Variants in RBM38 observed in about 807,000 individuals in gnomAD.
RBM38 encodes RNA-binding protein 38.
A neutral mutation model predicts 23.5 loss-of-function variants in RBM38; 11 were observed. That is an observed-to-expected ratio of 0.47 (90% CI 0.29 to 0.77). The LOEUF (loss-of-function observed/expected upper bound fraction) is 0.77. RBM38 is among the 30% of genes least tolerant of loss of function. The pLI is 0.08. For missense variants in RBM38, 330 were observed against 351.9 expected, an observed-to-expected ratio of 0.94 and a Z score of 0.50; for synonymous variants, 165 against 166.1, an observed-to-expected ratio of 0.99 and a Z score of 0.05.
At chr20:57,394,037 C>T (rs1462962366) in intron 3 of RBM38, among the ~76,000 whole-genome samples, 2 of 152,116 alleles carry the variant, frequency 1.3e-5, no homozygotes, top group African/African-American at 4.8e-5. Context: ...TGCGGCCTGC[C>T]TCCCCACCCC....
chr20:57,392,696 G>T lies in RBM38; in HGVS notation c.280G>T (p.Asp94Tyr), dbSNP rs907985208. The T allele has an allele frequency of 1.3e-5, 21 of 1,612,766 alleles. No individual in the cohort carries two copies. Among genetic ancestry groups the T allele is most frequent in the Non-Finnish European group, 1.8e-5 (21 of 1,179,860 alleles). ...GGCGGCAGCTGAGAGGGCTTGCAAAGACCCGAACCCCATCATCGACGGCCG... is the reference window on the plus strand; with the variant it reads ...GGCGGCAGCTGAGAGGGCTTGCAAATACCCGAACCCCATCATCGACGGCCG... ...DRAAAERACK[D>Y]PNPIIDGRKA... is the part of the protein sequence containing the mutation. The change falls in exon 2 of 4, where the codon GAC becomes TAC. Residue 94 changes from aspartate (D) to tyrosine (Y), a missense_variant. Asp to Tyr is a radical substitution (Grantham distance 160, BLOSUM62 -3). This residue lies in a region of RBM38 where 227 missense variants were observed against 216.4 expected (regional missense o/e 1.05). Coordinates refer to ENST00000356208, the MANE Select transcript of RBM38 (RefSeq NM_017495.6).
intron 3 of RBM38, among the ~76,000 whole-genome samples, chr20:57,397,296 A>C (rs1429251910): frequency 6.6e-6 from 1 of 152,222 alleles, no homozygotes; most frequent in African/African-American, 2.4e-5. Flanking sequence ...AGAGCAACTG[A>C]GAGACTTGCT....
rs2067414559 is a variant in RBM38, at chr20:57,408,711, C to CA, written c.*866dup. ...CTCTCGGTGGGATGGGCACCACAGA[C>CA]AGGAGGCCCCTCAGGCCCGTGCGGG... On this transcript the variant is annotated 3_prime_UTR_variant, in exon 4 of 4. Coordinates refer to ENST00000356208, the MANE Select transcript of RBM38 (RefSeq NM_017495.6). The CA allele has an allele frequency of 6.6e-6, 1 of 151,626 alleles. No homozygotes were observed. The highest frequency in any genetic ancestry group is 1.5e-5 in the Non-Finnish European group (1 of 67,886). 9.4% of individuals were successfully genotyped at this position (151,626 alleles called of 1,614,324 possible).
Position 57,407,789 on chromosome 20 carries a change from G to A in RBM38, c.663G>A (p.Ala221=), listed in dbSNP as rs543954479. Residue 221 remains alanine, a synonymous_variant, in exon 4 of 4, where the codon GCG becomes GCA. Transcript: ENST00000356208. The surrounding 1 kb of genome is among the most constrained non-coding windows in gnomAD (Gnocchi z 4.0). ...VPQALSAAAP[A]GTTFVQYQAP... ...AGGCCCTCTCAGCCGCAGCACCCGC[G>A]GGCACCACTTTCGTGCAGTACCAGG... 2.2e-5 allele frequency: 35 copies of A among 1,603,138 alleles called. No individual in the cohort carries two copies. Among genetic ancestry groups the A allele is most frequent in the Admixed American group, 6.8e-5 (4 of 58,820 alleles).
rs1600742986 is a variant in RBM38 at position 57,392,984 on chromosome 20, C to T, written c.361+207C>T. On this transcript the variant is annotated intron_variant, in intron 2 of 3. Coordinates refer to ENST00000356208, the MANE Select transcript of RBM38 (RefSeq NM_017495.6). ...GTGGCCCAAAGAAGGGGGCGGGGGGCAGGGAGGGTACTGCACCCCAGTTGC... is the reference window on the plus strand; with the variant it reads ...GTGGCCCAAAGAAGGGGGCGGGGGGTAGGGAGGGTACTGCACCCCAGTTGC... The T allele has an allele frequency of 1.7e-5, 13 of 750,622 alleles. No homozygotes were observed. The South Asian group carries it at 2.4e-4, about 14-fold the overall frequency. 46.5% of individuals were successfully genotyped at this position (750,622 alleles called of 1,614,324 possible). A position where few individuals can be genotyped will look rare whatever the true frequency, so the allele number is the denominator to read the frequency against.
intron 3 of RBM38, among the ~76,000 whole-genome samples, chr20:57,394,535 C>T (rs1228686658): frequency 2.6e-5 from 4 of 152,120 alleles, no homozygotes; most frequent in Non-Finnish European, 5.9e-5. Flanking sequence ...CTAGCCTGTG[C>T]GAGTGGCCGG....
At chr20:57,402,170 C>T (rs1337561016) in intron 3 of RBM38, among the ~76,000 whole-genome samples, 2 of 152,190 alleles carry the variant, frequency 1.3e-5, no homozygotes, top group Admixed American at 6.5e-5. Context: ...TGGTCTCAAT[C>T]TCCTGACCTC....
intron 3 of RBM38, among the ~76,000 whole-genome samples, chr20:57,397,863 C>T (rs182540305): frequency 3.3e-5 from 5 of 152,308 alleles, no homozygotes; most frequent in East Asian, 1.9e-4. Context: ...CATGGTGATG[C>T]GTGCAGTTAA....
intron 2 of RBM38, 83 bp downstream of exon 2, chr20:57,392,860 C>A: frequency 1.3e-6 from 2 of 1,539,966 alleles, no homozygotes; most frequent in South Asian, 1.2e-5. Context: ...GAGGCCCCCC[C>A]TCCTCGCCCC....
rs1369414636 is a variant in RBM38 at position 57,398,773 on chromosome 20, G to T, written c.416+5440G>T. 2.0e-5 allele frequency among the ~76,000 whole-genome samples: 3 copies of T among 152,372 alleles called. No individual in the cohort carries two copies. In the South Asian group the frequency reaches 6.2e-4, roughly 32 times the overall value. Reference sequence around the variant, plus strand: ...TCTTCTGGAAGCCTTGGGCCAAGGGGCACAGCTTTGTCTCAGGGTAGAAGC... The same window carrying T: ...TCTTCTGGAAGCCTTGGGCCAAGGGTCACAGCTTTGTCTCAGGGTAGAAGC... On this transcript the variant is annotated intron_variant, in intron 3 of 3. Coordinates refer to ENST00000356208, the MANE Select transcript of RBM38 (RefSeq NM_017495.6).
rs554894372 is a variant in RBM38, at chr20:57,396,648, C to T, written c.416+3315C>T. On this transcript the variant is annotated intron_variant, in intron 3 of 3. Coordinates refer to ENST00000356208, the MANE Select transcript of RBM38 (RefSeq NM_017495.6). ...AGTGCCTCATATGTACATTATAGAA[C>T]GTTTGAAGGGGGTGGAATATCCCTG... Among the ~76,000 whole-genome samples the T allele has an allele frequency of 5.5e-4, 84 of 152,298 alleles. 1 individual carries two copies. Among genetic ancestry groups the T allele is most frequent in the African/African-American group, 1.7e-3 (72 of 41,556 alleles).
At position 57,407,957 on chromosome 20, in the gene RBM38, G is replaced by A. The variant is rs1039942441; in HGVS notation, c.*111G>A. The A allele has an allele frequency of 7.3e-7, 1 of 1,367,972 alleles. No individual in the cohort carries two copies. The highest frequency in any genetic ancestry group is 2.3e-5 in the Admixed American group (1 of 43,058). 84.7% of individuals were successfully genotyped at this position (1,367,972 alleles called of 1,614,324 possible). A position where few individuals can be genotyped will look rare whatever the true frequency, so the allele number is the denominator to read the frequency against. ...GCTGAGCTTCAGTGAGGTGCCACCA[G>A]CACCCGTGCCTCCGAAGACCGCTCG... On this transcript the variant is annotated 3_prime_UTR_variant, in exon 4 of 4. Coordinates refer to ENST00000356208, the MANE Select transcript of RBM38 (RefSeq NM_017495.6). This position sits in a 1 kb window ranked among gnomAD's most constrained non-coding sequence, Gnocchi z 4.0.
rs768045902 is a variant in RBM38 at position 57,393,327 on chromosome 20, C to G, written c.410C>G (p.Thr137Ser). The part of the protein sequence containing the change: ...QQLHPTLIQR[T>S]YGLTPHYIYP... The stretch of plus-strand genomic sequence containing the variant: ...CTGCACCCCACCTTGATCCAGCGGA[C>G]TTACGGGTGAGTGGACATGGCTGGC... Residue 137 changes from threonine to serine, a missense_variant, in exon 3 of 4, where the codon ACT (threonine) becomes AGT (serine). Physicochemically the swap from Thr to Ser is moderately conservative, Grantham distance 58. Coordinates refer to ENST00000356208, the MANE Select transcript of RBM38 (RefSeq NM_017495.6). 7.4e-6 allele frequency: 12 copies of G among 1,613,872 alleles called. No individual in the cohort carries two copies. The South Asian group carries it at 1.1e-4, about 15-fold the overall frequency.
chr20:57,401,943 G>A (rs1336155213), intron 3 of RBM38, among the ~76,000 whole-genome samples: 1 of 152,058 alleles, frequency 6.6e-6, no homozygotes, highest in Non-Finnish European at 1.5e-5. Context: ...ATGGGGTGTT[G>A]ATGTTTTCGT....
chr20:57,403,128 C>T (rs1600755936), intron 3 of RBM38, among the ~76,000 whole-genome samples: 1 of 152,208 alleles, frequency 6.6e-6, no homozygotes, highest in Admixed American at 6.5e-5. Context: ...CAACTAGGAC[C>T]GTCCCTAGGC....
At chr20:57,406,584 G>T (rs1286832304) in intron 3 of RBM38, among the ~76,000 whole-genome samples, 1 of 152,192 alleles carries the variant, frequency 6.6e-6, no homozygotes, top group Non-Finnish European at 1.5e-5. Context: ...AGCTGTTGGC[G>T]CCATCATCTC....
chr20:57,394,872 T>C (rs891531703), intron 3 of RBM38, among the ~76,000 whole-genome samples: 3 of 152,120 alleles, frequency 2.0e-5, no homozygotes, highest in African/African-American at 4.8e-5. Flanking sequence ...GCAGCTCTTT[T>C]CTGCTTACAG....
chr20:57,408,045 T>C lies in RBM38; in HGVS notation c.*199T>C. 1.6e-6 allele frequency: 1 copy of C among 644,244 alleles called. No homozygotes were observed. The highest frequency in any genetic ancestry group is 2.6e-6 in the Non-Finnish European group (1 of 377,498). 39.9% of individuals were successfully genotyped at this position (644,244 alleles called of 1,614,324 possible). A position where few individuals can be genotyped will look rare whatever the true frequency, so the allele number is the denominator to read the frequency against. On this transcript the variant is annotated 3_prime_UTR_variant, in exon 4 of 4. Transcript: ENST00000356208. ...CTTCTCTTTAATCTAGGTCCCATTG[T>C]GTCTTGAGGGAGGACTTTAAGAATG...
intron 3 of RBM38, among the ~76,000 whole-genome samples, chr20:57,405,239 C>G (rs2067369916): frequency 6.6e-6 from 1 of 152,238 alleles, no homozygotes; most frequent in African/African-American, 2.4e-5. Context: ...GGTGCCTCTC[C>G]CATCCTAGAA....
Sources: gnomAD v4.1 joint callset for allele counts (sites outside exome capture counted in the v4.1 genomes callset) on GRCh38, gnomAD v4.1.1 for gene constraint, gnomAD v4.1.1 regional missense constraint, Gnocchi (gnomAD v3.1) non-coding constraint, MANE v1.5 for transcripts, NCBI Gene and HGNC (gene_info 2026-07-23, HGNC 2026-07-21) for gene names.